Variants in PRKCE observed in about 807,000 individuals in gnomAD.
PRKCE encodes the protein protein kinase C epsilon type.
A neutral mutation model predicts 85.4 loss-of-function variants in PRKCE; 16 were observed. That is an observed-to-expected ratio of 0.19 (90% CI 0.13 to 0.28). The LOEUF (loss-of-function observed/expected upper bound fraction) is 0.28. Ranked by LOEUF, PRKCE falls within the 10% of genes least tolerant of loss-of-function variation. The probability of loss-of-function intolerance (pLI) is 1.00; values close to 1 mark genes in which losing one functional copy is unlikely to be tolerated. For missense variants in PRKCE, 573 were observed against 975.2 expected, an observed-to-expected ratio of 0.59 and a Z score of 5.49; for synonymous variants, 388 against 371.5, an observed-to-expected ratio of 1.04 and a Z score of -0.51.
chr2:45,698,449 G>A (rs566087803), intron 1 of PRKCE, among the ~76,000 whole-genome samples: 1 of 152,110 alleles, frequency 6.6e-6, no homozygotes, highest in Admixed American at 6.5e-5. Flanking sequence ...TGTGGATGGG[G>A]GTATAAGAGG....
At chr2:45,707,180 C>T in intron 1 of PRKCE, among the ~76,000 whole-genome samples, 1 of 152,206 alleles carries the variant, frequency 6.6e-6, no homozygotes, top group East Asian at 1.9e-4. Context: ...ACTTCACAGG[C>T]AGATATTCCT....
At chr2:45,692,218 TG>T (rs1392754211) in intron 1 of PRKCE, among the ~76,000 whole-genome samples, 1 of 152,166 alleles carries the variant, frequency 6.6e-6, no homozygotes, top group Non-Finnish European at 1.5e-5. Flanking sequence ...CACCACAAAC[TG>T]GGTGGATTAC....
intron 2 of PRKCE, among the ~76,000 whole-genome samples, chr2:45,960,585 C>A (rs1357406838): frequency 1.3e-5 from 2 of 152,172 alleles, no homozygotes; most frequent in African/African-American, 4.8e-5. Flanking sequence ...GCTGGTCTGA[C>A]AGGAGGTGGA....
chr2:45,837,709 T>C (rs1229609836), intron 1 of PRKCE, among the ~76,000 whole-genome samples: 1 of 152,028 alleles, frequency 6.6e-6, no homozygotes, highest in Non-Finnish European at 1.5e-5. Flanking sequence ...ACCCCAGCTT[T>C]CTCAGATTCT....
intron 1 of PRKCE, among the ~76,000 whole-genome samples, chr2:45,717,541 C>T (rs1558590843): frequency 6.6e-6 from 1 of 152,360 alleles, no homozygotes; most frequent in African/African-American, 2.4e-5. Context: ...TCTGCACGTT[C>T]CCTGGAGCAA....
At chr2:45,860,560 G>C (rs1479378188) in intron 2 of PRKCE, among the ~76,000 whole-genome samples, 1 of 152,176 alleles carries the variant, frequency 6.6e-6, no homozygotes, top group Admixed American at 6.5e-5. Context: ...AACCCTGTTA[G>C]CTTTTGCTTT....
At chr2:45,914,509 T>A (rs1040229518) in intron 2 of PRKCE, among the ~76,000 whole-genome samples, 8 of 152,188 alleles carry the variant, frequency 5.3e-5, no homozygotes, top group African/African-American at 1.7e-4. Flanking sequence ...GCGAGACTGA[T>A]AACTATTTCT....
chr2:45,719,479 T>C (rs1016398718), intron 1 of PRKCE, among the ~76,000 whole-genome samples: 1 of 152,182 alleles, frequency 6.6e-6, no homozygotes, highest in Admixed American at 6.5e-5. Flanking sequence ...GAAGGACTGT[T>C]TGGGGCTCCT....
intron 11 of PRKCE, among the ~76,000 whole-genome samples, chr2:46,133,703 T>A (rs1381889971): frequency 1.3e-5 from 2 of 152,068 alleles, no homozygotes; most frequent in African/African-American, 4.8e-5. Context: ...TGACATTCAG[T>A]GAACATTGAA....
chr2:45,731,820 G>A (rs977710073), intron 1 of PRKCE, among the ~76,000 whole-genome samples: 2 of 151,944 alleles, frequency 1.3e-5, no homozygotes, highest in Admixed American at 6.6e-5. Flanking sequence ...GTCTCACCGT[G>A]TTACCCAGGC....
At position 46,184,670 on chromosome 2, in the gene PRKCE, C is replaced by T. The variant is rs1680324963; in HGVS notation, c.2068-65C>T. On this transcript the variant is annotated intron_variant, in intron 14 of 14. Coordinates refer to ENST00000306156, the MANE Select transcript of PRKCE (RefSeq NM_005400.3). The surrounding 1 kb of genome is among the most constrained non-coding windows in gnomAD (Gnocchi z 5.0). ...CAGGCTGGTCAGTGCGGTGCCCACT[C>T]CCCATGGGGGGCCCTCAGGAGGGAG... is the stretch of plus-strand genomic sequence containing the variant. The T allele has an allele frequency of 3.2e-6, 5 of 1,572,958 alleles. No individual in the cohort carries two copies. The highest frequency in any genetic ancestry group is 4.3e-6 in the Non-Finnish European group (5 of 1,166,474).
Position 45,652,023 on chromosome 2 carries a change from G to T in PRKCE, c.-78G>T. The T allele has an allele frequency of 8.6e-7, 1 of 1,160,018 alleles. No homozygotes were observed. The highest frequency in any genetic ancestry group is 1.2e-6 in the Non-Finnish European group (1 of 814,580). The allele number at this position is 1,160,018 out of a possible 1,614,324, so 71.9% of individuals were successfully genotyped here. ...GGGACCCAAGAGTCCCTGTGGCTCG[G>T]AGTGCCGGGCCGTCGGTTCTTCATT... On this transcript the variant is annotated 5_prime_UTR_variant, in exon 1 of 15. Transcript: ENST00000306156. This position sits in a 1 kb window ranked among gnomAD's most constrained non-coding sequence, Gnocchi z 7.7.
intron 10 of PRKCE, among the ~76,000 whole-genome samples, chr2:46,075,387 A>G (rs1433945662): frequency 6.6e-6 from 1 of 152,020 alleles, no homozygotes; most frequent in Non-Finnish European, 1.5e-5. Context: ...TTCGGCCGCA[A>G]ACAGCTGGCT....
intron 2 of PRKCE, among the ~76,000 whole-genome samples, chr2:45,947,322 G>C (rs1329631362): frequency 1.3e-5 from 2 of 152,132 alleles, no homozygotes; most frequent in African/African-American, 4.8e-5. Flanking sequence ...GTGGGGGAGA[G>C]AGGCAGGCGT....
At chr2:45,828,658 C>T (rs904771876) in intron 1 of PRKCE, among the ~76,000 whole-genome samples, 1 of 151,962 alleles carries the variant, frequency 6.6e-6, no homozygotes, top group African/African-American at 2.4e-5. Context: ...TTTTTTTCAG[C>T]TGTAGGCAAT....
rs578069433 is a variant in PRKCE, at chr2:45,827,795, C to A, written c.349-15205C>A. ...GTCTTAAAAATTTGATTTATACCTT[C>A]AAAATTCAACACAGAGTCAACTGAT... On this transcript the variant is annotated intron_variant, in intron 1 of 14. Coordinates refer to ENST00000306156, the MANE Select transcript of PRKCE (RefSeq NM_005400.3). Among the ~76,000 whole-genome samples the A allele has an allele frequency of 6.6e-5, 10 of 152,274 alleles. No homozygotes were observed. The East Asian group carries it at 1.7e-3, about 26-fold the overall frequency.
intron 2 of PRKCE, among the ~76,000 whole-genome samples, chr2:45,950,008 C>G (rs1204127847): frequency 6.6e-6 from 1 of 151,684 alleles, no homozygotes; most frequent in Non-Finnish European, 1.5e-5. Context: ...TGTGAGAAAC[C>G]TAGTAGGATT....
At chr2:45,737,340 A>G (rs961983931) in intron 1 of PRKCE, among the ~76,000 whole-genome samples, 7 of 151,614 alleles carry the variant, frequency 4.6e-5, no homozygotes, top group Non-Finnish European at 1.0e-4. Flanking sequence ...GTCATCCCTC[A>G]CTCCCCACCC....
chr2:46,083,187 G>A (rs1669267358), intron 10 of PRKCE, among the ~76,000 whole-genome samples: 4 of 152,208 alleles, frequency 2.6e-5, no homozygotes, highest in Admixed American at 6.5e-5. Flanking sequence ...CTGGCCTCAA[G>A]TGATCTGCCT....
Sources: gnomAD v4.1 joint callset for allele counts (sites outside exome capture counted in the v4.1 genomes callset) on GRCh38, gnomAD v4.1.1 for gene constraint, Gnocchi (gnomAD v3.1) non-coding constraint, MANE v1.5 for transcripts, NCBI Gene and HGNC (gene_info 2026-07-23, HGNC 2026-07-21) for gene names.